Variants in KIAA1549L observed in about 807,000 individuals in gnomAD.
KIAA1549L encodes KIAA1549 like.
KIAA1549L carries 88 observed loss-of-function variants against 160.7 expected under a neutral mutation model. That is an observed-to-expected ratio of 0.55 (90% confidence interval 0.46 to 0.65). The LOEUF is 0.65. Among genes scored for constraint, KIAA1549L ranks in the 30% least tolerant of loss-of-function variants. The pLI is 0.00. For missense variants in KIAA1549L, 2,258 were observed against 2,437.5 expected, an observed-to-expected ratio of 0.93 and a Z score of 1.55; for synonymous variants, 950 against 976.7, an observed-to-expected ratio of 0.97 and a Z score of 0.51.
At chr11:33,429,559 G>A (rs758326083) in intron 1 of KIAA1549L, among the ~76,000 whole-genome samples, 19 of 152,162 alleles carry the variant, frequency 1.2e-4, no homozygotes, top group Non-Finnish European at 2.2e-4. Context: ...AGGATCACTT[G>A]TTCTCCGTGG....
intron 1 of KIAA1549L, among the ~76,000 whole-genome samples, chr11:33,411,827 AATT>A (rs1427464345): frequency 6.6e-6 from 1 of 152,120 alleles, no homozygotes; most frequent in Non-Finnish European, 1.5e-5. Context: ...TATCACTGAG[AATT>A]ATTAAGAGAC....
chr11:33,531,111 T>C (rs10836071), intron 1 of KIAA1549L, among the ~76,000 whole-genome samples: 38,706 of 152,052 alleles, frequency 0.25, 5,107 homozygotes, highest in East Asian at 0.34. Flanking sequence ...CTTTTCTAAA[T>C]TTTCTGTAAT....
intron 16 of KIAA1549L, among the ~76,000 whole-genome samples, chr11:33,628,146 G>C (rs1851172418): frequency 6.6e-6 from 1 of 151,770 alleles, no homozygotes; most frequent in Admixed American, 6.6e-5. Flanking sequence ...TGTGGTCTGA[G>C]AGATAGTTTG....
At chr11:33,484,536 C>T (rs1392226234) in intron 1 of KIAA1549L, among the ~76,000 whole-genome samples, 1 of 152,240 alleles carries the variant, frequency 6.6e-6, no homozygotes, top group African/African-American at 2.4e-5. Flanking sequence ...TGTAACCTGG[C>T]TTCTCCAGCC....
intron 12 of KIAA1549L, among the ~76,000 whole-genome samples, chr11:33,595,401 A>AT (rs1850171641): frequency 1.3e-5 from 2 of 151,822 alleles, no homozygotes; most frequent in East Asian, 3.9e-4. Flanking sequence ...TAATTTTTGT[A>AT]TTTTTTTGGT....
At chr11:33,608,964 T>C (rs1306652687) in intron 14 of KIAA1549L, among the ~76,000 whole-genome samples, 1 of 152,184 alleles carries the variant, frequency 6.6e-6, no homozygotes, top group East Asian at 1.9e-4. Context: ...CTTTTAAAGA[T>C]TATTTTTAAG....
intron 1 of KIAA1549L, among the ~76,000 whole-genome samples, chr11:33,422,682 G>C (rs988168086): frequency 6.6e-6 from 1 of 151,102 alleles, no homozygotes; most frequent in African/African-American, 2.4e-5. Flanking sequence ...ACTGTAAGAT[G>C]CCTTTTTCAC....
In KIAA1549L at chr11:33,668,765, T is replaced by G. The variant is rs1049021213; in HGVS notation, c.*611T>G. 6.6e-6 allele frequency: 1 copy of G among 152,272 alleles called. No homozygotes were observed. The highest frequency in any genetic ancestry group is 2.4e-5 in the African/African-American group (1 of 41,452). 9.4% of individuals were successfully genotyped at this position (152,272 alleles called of 1,614,324 possible). On this transcript the variant is annotated 3_prime_UTR_variant, in exon 21 of 21. Transcript: ENST00000658780. ...CTGTGCCTATAAATAGACCTGATTC[T>G]TTGTTTCCCTCGTCAATTAAACAAA...
Position 33,542,562 on chromosome 11 carries a change from T to C in KIAA1549L, c.999T>C (p.Gly333=), listed in dbSNP as rs758216561. 6.2e-7 allele frequency: 1 copy of C among 1,613,752 alleles called. No individual in the cohort carries two copies. The highest frequency in any genetic ancestry group is 8.5e-7 in the Non-Finnish European group (1 of 1,179,790). Reference sequence around the variant, plus strand: ...ATTCCGAGCTGTCCCCAACAGAGGGTCCCCATTCAGCAGGTTCATCCACAC... The same window carrying C: ...ATTCCGAGCTGTCCCCAACAGAGGGCCCCCATTCAGCAGGTTCATCCACAC... ...KWHSELSPTE[G]PHSAGSSTPG... is the part of the protein sequence containing the mutation. The change falls in exon 2 of 21, where the codon GGT becomes GGC. Residue 333 remains glycine (G), a synonymous_variant. Transcript: ENST00000658780.
chr11:33,417,891 C>A (rs953574223), intron 1 of KIAA1549L, among the ~76,000 whole-genome samples: 4 of 152,208 alleles, frequency 2.6e-5, no homozygotes, highest in Non-Finnish European at 5.9e-5. Context: ...GATTCTTGTG[C>A]CTCAGCCTCC....
chr11:33,601,523 A>G (rs1008438239), intron 13 of KIAA1549L, among the ~76,000 whole-genome samples: 2 of 152,326 alleles, frequency 1.3e-5, no homozygotes, highest in East Asian at 1.9e-4. Context: ...ACAAAAAAGT[A>G]TATTTTCATC....
chr11:33,559,943 T>A (rs939395656), intron 7 of KIAA1549L, 32 bp downstream of exon 7: 14 of 1,600,534 alleles, frequency 8.7e-6, no homozygotes, highest in Non-Finnish European at 1.1e-5. Context: ...GGGACCCCAG[T>A]GTTTCCCCTG....
At chr11:33,465,090 C>T (rs914418546) in intron 1 of KIAA1549L, among the ~76,000 whole-genome samples, 1 of 121,724 alleles carries the variant, frequency 8.2e-6, no homozygotes, top group African/African-American at 3.1e-5. Flanking sequence ...GAGTCTCACT[C>T]TGCCACCCAG....
At chr11:33,500,998 CA>C (rs201216214) in intron 1 of KIAA1549L, among the ~76,000 whole-genome samples, 19 of 149,808 alleles carry the variant, frequency 1.3e-4, no homozygotes, top group African/African-American at 4.4e-4. Context: ...GACAAATTTC[CA>C]AAAAAAAACC....
rs1849949870 is a variant in KIAA1549L at position 33,376,253 on chromosome 11, G to A, written c.-399G>A. ...GCCGAGGCTGCAGCGGCGGCGGGAG[G>A]GAGGGACCCGAGCGCGCCCCGCGGC... On this transcript the variant is annotated 5_prime_UTR_variant, in exon 1 of 21. Coordinates refer to ENST00000658780, the MANE Select transcript of KIAA1549L (RefSeq NM_012194.3). This position sits in a 1 kb window ranked among gnomAD's most constrained non-coding sequence, Gnocchi z 5.8. Among the ~76,000 whole-genome samples, 1 of 149,018 alleles carries A rather than the reference G, an allele frequency of 6.7e-6. No homozygotes were observed. The highest frequency in any genetic ancestry group is 1.5e-5 in the Non-Finnish European group (1 of 66,790).
At chr11:33,383,787 G>T (rs1043491017) in intron 1 of KIAA1549L, among the ~76,000 whole-genome samples, 1 of 152,178 alleles carries the variant, frequency 6.6e-6, no homozygotes, top group Admixed American at 6.5e-5. Flanking sequence ...CTGCTTAGTG[G>T]CAGCCTGCAT....
At chr11:33,465,278 T>A (rs1371141540) in intron 1 of KIAA1549L, among the ~76,000 whole-genome samples, 1 of 152,052 alleles carries the variant, frequency 6.6e-6, no homozygotes, top group African/African-American at 2.4e-5. Flanking sequence ...ACTCTCAAAC[T>A]CCTGATCTCA....
intron 1 of KIAA1549L, among the ~76,000 whole-genome samples, chr11:33,449,116 GAT>G (rs1440246131): frequency 3.3e-5 from 5 of 152,116 alleles, no homozygotes; most frequent in Non-Finnish European, 4.4e-5. Context: ...TGGGACTGTG[GAT>G]ATGTTTTTCT....
intron 1 of KIAA1549L, among the ~76,000 whole-genome samples, chr11:33,521,268 A>G (rs1853486552): frequency 6.6e-6 from 1 of 152,234 alleles, no homozygotes; most frequent in Non-Finnish European, 1.5e-5. Flanking sequence ...GCTGCTCTGT[A>G]GTGAGGCAGG....
Sources: gnomAD v4.1 joint callset for allele counts (sites outside exome capture counted in the v4.1 genomes callset) on GRCh38, gnomAD v4.1.1 for gene constraint, Gnocchi (gnomAD v3.1) non-coding constraint, MANE v1.5 for transcripts, NCBI Gene and HGNC (gene_info 2026-07-23, HGNC 2026-07-21) for gene names.